PPP1R16A: variants seen among roughly 807,000 people sequenced by gnomAD.
PPP1R16A encodes the protein protein phosphatase 1 regulatory subunit 16A, also known as myosin phosphatase-targeting subunit 3.
A neutral mutation model predicts 46.6 loss-of-function variants in PPP1R16A; 39 were observed. That is an observed-to-expected ratio of 0.84 (90% CI 0.65 to 1.09). PPP1R16A has a LOEUF of 1.09. PPP1R16A is among the 50% of genes least tolerant of loss of function. PPP1R16A has a pLI of 0.00. For synonymous variants in PPP1R16A, 413 were observed against 321.5 expected (o/e 1.28, Z -3.04); for missense variants, 798 against 735.6 (o/e 1.08, Z -0.98).
At position 144,501,576 on chromosome 8, in the gene PPP1R16A, G is replaced by T. The variant is rs752775906; in HGVS notation, c.1260G>T (p.Val420=). The change falls in exon 12 of 12, where the codon GTG becomes GTT. Residue 420 remains valine, a synonymous_variant. Transcript: ENST00000435887. Reference sequence around the variant, plus strand: ...ATGGCCGAGTAGGGGGCTCCCCAGTGCGGCATCTATACTCCAAGCGACTAG... The same window carrying T: ...ATGGCCGAGTAGGGGGCTCCCCAGTTCGGCATCTATACTCCAAGCGACTAG... ...PHNGRVGGSP[V]RHLYSKRLDR... is the part of the protein sequence containing the mutation. 1 of 1,598,802 alleles carries T rather than the reference G, an allele frequency of 6.3e-7. No individual in the cohort carries two copies. The highest frequency in any genetic ancestry group is 1.1e-5 in the South Asian group (1 of 88,722).
chr8:144,481,125 C>T (rs1329081326), intron 1 of PPP1R16A, among the ~76,000 whole-genome samples: 1 of 151,200 alleles, frequency 6.6e-6, no homozygotes, highest in African/African-American at 2.4e-5. Context: ...CTCCTGACCT[C>T]GTGATCCGCC....
At chr8:144,497,517 G>C (rs750885621) in intron 3 of PPP1R16A, 64 bp downstream of exon 3, 2 of 1,600,480 alleles carry the variant, frequency 1.2e-6, no homozygotes, top group African/African-American at 2.7e-5. Context: ...CCTGGGTGCC[G>C]TCTCATGCCA....
At position 144,500,830 on chromosome 8, in the gene PPP1R16A, C is replaced by G. The variant is rs1417691071; in HGVS notation, c.908-12C>G. ...GGGGAGGGCGCCCCTGACGCCTGCG[C>G]CCACTTCTCAGATGTGTGCGGGGAC... is the stretch of plus-strand genomic sequence containing the variant. On this transcript the variant is annotated splice_polypyrimidine_tract_variant and intron_variant, in intron 9 of 11. Coordinates refer to ENST00000435887, the MANE Select transcript of PPP1R16A (RefSeq NM_001329443.2). The G allele has an allele frequency of 6.3e-7, 1 of 1,586,502 alleles. No homozygotes were observed. The highest frequency in any genetic ancestry group is 8.6e-7 in the Non-Finnish European group (1 of 1,167,706).
intron 5 of PPP1R16A, 49 bp downstream of exon 5, chr8:144,499,110 G>A: frequency 6.5e-7 from 1 of 1,534,316 alleles, no homozygotes; most frequent in Non-Finnish European, 8.8e-7. Context: ...CTCTCAGATG[G>A]CCGCTCAGGA....
rs1022987055 is a variant in PPP1R16A, at chr8:144,500,961, G to C, written c.1027G>C (p.Gly343Arg). 245 of 1,473,386 alleles carry C rather than the reference G, an allele frequency of 1.7e-4. No individual in the cohort carries two copies. The highest frequency in any genetic ancestry group is 2.0e-4 in the Non-Finnish European group (223 of 1,121,268). The allele number at this position is 1,473,386 out of a possible 1,614,324, so 91.3% of individuals were successfully genotyped here. A position where few individuals can be genotyped will look rare whatever the true frequency, so the allele number is the denominator to read the frequency against. Residue 343 changes from glycine (G) to arginine (R), a missense_variant, in exon 10 of 12, where the codon GGC becomes CGC. Coordinates refer to ENST00000435887, the MANE Select transcript of PPP1R16A (RefSeq NM_001329443.2). The stretch of plus-strand genomic sequence containing the variant: ...GCTGCGCCGCCGCACCTCCAGCGCC[G>C]GCAGCCGCGGGTGAGCGCCGCCCCC... ...SLLRRRTSSAGSRGKVVRRVS... is the reference protein window; with the variant it reads ...SLLRRRTSSARSRGKVVRRVS...
At chr8:144,499,372 G>GCAGAACTGCT in intron 5 of PPP1R16A, 1 of 391,678 alleles carries the variant, frequency 2.6e-6, no homozygotes, top group East Asian at 4.2e-5. Context: ...GCTAAGGAGG[G>GCAGAACTGCT]AAGCAGAGTG....
At chr8:144,483,139 T>A (rs1029009869) in intron 1 of PPP1R16A, among the ~76,000 whole-genome samples, 2 of 152,192 alleles carry the variant, frequency 1.3e-5, no homozygotes, top group African/African-American at 4.8e-5. Flanking sequence ...CTTTTTTATG[T>A]TGTGTGGCTG....
At chr8:144,497,603 G>A in intron 3 of PPP1R16A, 150 bp downstream of exon 3, 1 of 1,117,686 alleles carries the variant, frequency 8.9e-7, no homozygotes, top group Non-Finnish European at 1.3e-6. Flanking sequence ...AGGCTGGGTG[G>A]CCCAGGGTGC....
intron 1 of PPP1R16A, among the ~76,000 whole-genome samples, chr8:144,487,406 C>T (rs1825659901): frequency 6.6e-6 from 1 of 152,118 alleles, no homozygotes; most frequent in African/African-American, 2.4e-5. Flanking sequence ...GAGTCTTTCT[C>T]TGTCCCCCAG....
At chr8:144,498,091 CAG>C (rs2130480295) in intron 3 of PPP1R16A, 1 of 456,296 alleles carries the variant, frequency 2.2e-6, no homozygotes, top group South Asian at 1.5e-5. Context: ...CCCTCCGGAG[CAG>C]AGAGTAAAGA....
chr8:144,500,067 G>T (rs1290370685), intron 5 of PPP1R16A, 29 bp from the exon 6 acceptor site: 3 of 1,583,862 alleles, frequency 1.9e-6, no homozygotes, highest in Non-Finnish European at 2.6e-6. Flanking sequence ...AGGGCCTTGT[G>T]CCCAGCACCC....
chr8:144,485,082 GA>G (rs1446552199), intron 1 of PPP1R16A, among the ~76,000 whole-genome samples: 2 of 151,966 alleles, frequency 1.3e-5, no homozygotes, highest in African/African-American at 4.8e-5. Flanking sequence ...GCTGAGACCA[GA>G]GTGTGAGTAG....
Position 144,501,988 on chromosome 8 carries a change from C to G in PPP1R16A, c.*85C>G, listed in dbSNP as rs1438734330. On this transcript the variant is annotated 3_prime_UTR_variant, in exon 12 of 12. Transcript: ENST00000435887. ...GGTGCGTGCCCTGGTGCTGCGGGTG[C>G]AGCACGGAAACCCCGGCTTCTACTG... 1 of 1,373,342 alleles carries G rather than the reference C, an allele frequency of 7.3e-7. No individual in the cohort carries two copies. The highest frequency in any genetic ancestry group is 9.6e-7 in the Non-Finnish European group (1 of 1,042,168). The allele number at this position is 1,373,342 out of a possible 1,614,324, so 85.1% of individuals were successfully genotyped here. A position where few individuals can be genotyped will look rare whatever the true frequency, so the allele number is the denominator to read the frequency against.
At position 144,478,032 on chromosome 8, in the gene PPP1R16A, CG is replaced by C. The variant is rs1825245196; in HGVS notation, c.-1005del. On this transcript the variant is annotated 5_prime_UTR_variant, in exon 1 of 12. It removes the in-frame stop codon of an upstream open reading frame in the 5' UTR. Transcript: ENST00000435887. The stretch of plus-strand genomic sequence containing the variant: ...GCGTTGCCATGGCGAGGGCCGGGTG[CG>C]GGGCCCGCCCCCGCAGCGCCTCAGG... 2.5e-6 allele frequency: 1 copy of C among 394,136 alleles called. No homozygotes were observed. The highest frequency in any genetic ancestry group is 4.5e-6 in the Non-Finnish European group (1 of 223,128). 24.4% of individuals were successfully genotyped at this position (394,136 alleles called of 1,614,324 possible). A position where few individuals can be genotyped will look rare whatever the true frequency, so the allele number is the denominator to read the frequency against.
chr8:144,501,677 A>C lies in PPP1R16A; in HGVS notation c.1361A>C (p.His454Pro), dbSNP rs1457765668. ...PHTLVHDKAH[H>P]TLADLKRQRA... ...ACCCTGGTCCACGACAAGGCCCACC[A>C]CACCCTGGCTGACCTGAAGCGCCAG... The change falls in exon 12 of 12, where the codon CAC becomes CCC. Residue 454 changes from histidine (H) to proline (P), a missense_variant. Coordinates refer to ENST00000435887, the MANE Select transcript of PPP1R16A (RefSeq NM_001329443.2). 6.2e-7 allele frequency: 1 copy of C among 1,608,486 alleles called. No individual in the cohort carries two copies. Among genetic ancestry groups the C allele is most frequent in the Non-Finnish European group, 8.5e-7 (1 of 1,178,242 alleles).
Position 144,497,425 on chromosome 8 carries a change from G to A in PPP1R16A, c.231G>A (p.Glu77=), listed in dbSNP as rs1322957361. 3 of 1,612,906 alleles carry A rather than the reference G, an allele frequency of 1.9e-6. No individual in the cohort carries two copies. The highest frequency in any genetic ancestry group is 2.5e-6 in the Non-Finnish European group (3 of 1,180,040). The change falls in exon 3 of 12, where the codon GAG becomes GAA. Residue 77 remains glutamate, a synonymous_variant. Coordinates refer to ENST00000435887, the MANE Select transcript of PPP1R16A (RefSeq NM_001329443.2). Reference sequence around the variant, plus strand: ...TCCCTCCCAGTGTTGTCCTTCTGGAGGCCGCTGCCCGAAATGACCTGGAAG... The same window carrying A: ...TCCCTCCCAGTGTTGTCCTTCTGGAAGCCGCTGCCCGAAATGACCTGGAAG... ...VLFPPSVVLL[E]AAARNDLEEV...
At chr8:144,489,688 T>C (rs1825739896) in intron 1 of PPP1R16A, among the ~76,000 whole-genome samples, 1 of 152,170 alleles carries the variant, frequency 6.6e-6, no homozygotes, top group African/African-American at 2.4e-5. Context: ...TGTGACGTGC[T>C]GATGTGCATC....
intron 1 of PPP1R16A, among the ~76,000 whole-genome samples, chr8:144,485,212 CAAAA>C (rs749667274): frequency 1.6e-5 from 1 of 61,546 alleles, no homozygotes; most frequent in African/African-American, 1.1e-4. Context: ...AATAGAATCT[CAAAA>C]AAAAAAAAAA....
chr8:144,501,149 G>C lies in PPP1R16A; in HGVS notation c.1058G>C (p.Ser353Thr), dbSNP rs1246315003. The change falls in exon 11 of 12, where the codon AGC (serine) becomes ACC (threonine). Residue 353 changes from serine (S) to threonine (T), a missense_variant. Ser to Thr is a moderately conservative substitution (Grantham distance 58). Coordinates refer to ENST00000435887, the MANE Select transcript of PPP1R16A (RefSeq NM_001329443.2). ...CCCAGGAAGGTGGTGAGGCGGGTGA[G>C]CCTAACCCAGCGCACCGACCTGTAC... ...GSRGKVVRRV[S>T]LTQRTDLYRK... 6.2e-7 allele frequency: 1 copy of C among 1,610,766 alleles called. No homozygotes were observed. Among genetic ancestry groups the C allele is most frequent in the Admixed American group, 1.7e-5 (1 of 60,000 alleles).
Sources: allele counts gnomAD v4.1 joint callset (sites outside exome capture counted in the v4.1 genomes callset), GRCh38; gene constraint gnomAD v4.1.1; transcripts MANE v1.5; gene names NCBI Gene and HGNC (gene_info 2026-07-23, HGNC 2026-07-21).